HCN1: variants seen among roughly 807,000 people sequenced by gnomAD.
HCN1 encodes the protein hyperpolarization activated cyclic nucleotide gated potassium channel 1.
HCN1 carries 13 observed loss-of-function variants against 78.9 expected under a neutral mutation model. The observed-to-expected ratio is 0.16, with a 90% CI of 0.11 to 0.26. The LOEUF (loss-of-function observed/expected upper bound fraction) is 0.26, where lower values mean the gene tolerates loss of function less well. Ranked by LOEUF, HCN1 falls within the 10% of genes least tolerant of loss-of-function variation. The pLI is 1.00. For missense variants in HCN1, 810 were observed against 1,154.3 expected, an observed-to-expected ratio of 0.70 and a Z score of 4.32; for synonymous variants, 552 against 455.5, an observed-to-expected ratio of 1.21 and a Z score of -2.70.
intron 2 of HCN1, among the ~76,000 whole-genome samples, chr5:45,504,512 G>T (rs1742255616): frequency 6.6e-6 from 1 of 152,108 alleles, no homozygotes; most frequent in Non-Finnish European, 1.5e-5. Flanking sequence ...ATGGACATTT[G>T]GGTTGGTGCC....
At chr5:45,570,241 C>T (rs908025289) in intron 2 of HCN1, among the ~76,000 whole-genome samples, 8 of 152,100 alleles carry the variant, frequency 5.3e-5, no homozygotes, top group Non-Finnish European at 1.2e-4. Flanking sequence ...TCCCCTACTT[C>T]TAAGGTATTT....
intron 2 of HCN1, among the ~76,000 whole-genome samples, chr5:45,499,342 C>T (rs962663554): frequency 2.8e-4 from 43 of 152,144 alleles, no homozygotes; most frequent in African/African-American, 9.4e-4. Flanking sequence ...GTGGGAGTGA[C>T]CCGATTTTCC....
Position 45,539,919 on chromosome 5 carries a change from GATATATATATATATATAT to G in HCN1, c.850-77930_850-77913del, listed in dbSNP as rs66934051. The stretch of plus-strand genomic sequence containing the variant: ...GAAATCCCATTGTTTTAAATTGTGA[GATATATATATATATATAT>G]ATATATATATATATATATATATAAA... On this transcript the variant is annotated intron_variant, in intron 2 of 7. Coordinates refer to ENST00000303230, the MANE Select transcript of HCN1 (RefSeq NM_021072.4). Among the ~76,000 whole-genome samples, 1,160 of 126,092 alleles carry G rather than the reference GATATATATATATATATAT, an allele frequency of 9.2e-3. 27 individuals are homozygous for G. The highest frequency in any genetic ancestry group is 0.034 in the African/African-American group (1,032 of 29,964). 82.7% of individuals were successfully genotyped at this position (126,092 alleles called of 152,430 possible).
chr5:45,567,479 T>C (rs1420212617), intron 2 of HCN1, among the ~76,000 whole-genome samples: 7 of 151,864 alleles, frequency 4.6e-5, no homozygotes, highest in African/African-American at 2.4e-5. Flanking sequence ...GAGCTAAATG[T>C]TGACATGCAG....
chr5:45,573,440 T>C (rs1743873211), intron 2 of HCN1, among the ~76,000 whole-genome samples: 1 of 151,556 alleles, frequency 6.6e-6, no homozygotes, highest in South Asian at 2.1e-4. Context: ...CATTTATTTA[T>C]TTTCCTGAGG....
At position 45,341,054 on chromosome 5, in the gene HCN1, A is replaced by G. The variant is rs550132514; in HGVS notation, c.1377+12046T>C. On this transcript the variant is annotated intron_variant, in intron 5 of 7. Transcript: ENST00000303230. Reference sequence around the variant, plus strand: ...CTTCTTGGAATATATCCTTCATTCTATCTTATCTTTCTGTCTTTTTATTTG... The same window carrying G: ...CTTCTTGGAATATATCCTTCATTCTGTCTTATCTTTCTGTCTTTTTATTTG... 3.3e-5 allele frequency among the ~76,000 whole-genome samples: 5 copies of G among 152,304 alleles called. No homozygotes were observed. In the South Asian group the frequency reaches 8.3e-4, roughly 25 times the overall value.
At chr5:45,312,522 G>C (rs1745871747) in intron 5 of HCN1, among the ~76,000 whole-genome samples, 1 of 152,150 alleles carries the variant, frequency 6.6e-6, no homozygotes, top group African/African-American at 2.4e-5. Context: ...AGTGGGTGCA[G>C]GACAGTGGGT....
At chr5:45,398,659 T>C (rs1739733516) in intron 3 of HCN1, among the ~76,000 whole-genome samples, 1 of 152,196 alleles carries the variant, frequency 6.6e-6, no homozygotes, top group Non-Finnish European at 1.5e-5. Flanking sequence ...AAATTGAAAG[T>C]AGTTTCAAGA....
chr5:45,461,747 C>T, intron 3 of HCN1, 99 bp downstream of exon 3: 2 of 1,117,702 alleles, frequency 1.8e-6, no homozygotes, highest in Non-Finnish European at 2.7e-6. Context: ...TGTCTGTAAA[C>T]ATTTATAGAG....
chr5:45,436,456 A>G (rs755795348), intron 3 of HCN1, among the ~76,000 whole-genome samples: 90 of 152,202 alleles, frequency 5.9e-4, no homozygotes, highest in Non-Finnish European at 1.1e-3. Flanking sequence ...ACTGAATTTT[A>G]ATATAGGTCA....
At chr5:45,414,779 G>C (rs1405649689) in intron 3 of HCN1, among the ~76,000 whole-genome samples, 1 of 151,928 alleles carries the variant, frequency 6.6e-6, no homozygotes, top group African/African-American at 2.4e-5. Flanking sequence ...TCCCATTCCT[G>C]CCTAGTGCTT....
intron 3 of HCN1, among the ~76,000 whole-genome samples, chr5:45,403,724 T>C (rs1739868092): frequency 1.3e-5 from 2 of 152,118 alleles, no homozygotes; most frequent in Non-Finnish European, 2.9e-5. Flanking sequence ...GGAGAAAAAA[T>C]AGATTGACTG....
At chr5:45,512,127 C>T (rs912141535) in intron 2 of HCN1, among the ~76,000 whole-genome samples, 1 of 152,036 alleles carries the variant, frequency 6.6e-6, no homozygotes, top group African/African-American at 2.4e-5. Context: ...TTCCTTCTAT[C>T]GTCACTTTCT....
rs1341530184 is a variant in HCN1 at position 45,262,038 on chromosome 5, C to A, written c.2556G>T (p.Pro852=). The A allele has an allele frequency of 1.2e-6, 2 of 1,613,718 alleles. No homozygotes were observed. Among genetic ancestry groups the A allele is most frequent in the Middle Eastern group, 1.6e-4 (1 of 6,062 alleles). Residue 852 remains proline, a synonymous_variant, in exon 8 of 8, where the codon CCG becomes CCT. Coordinates refer to ENST00000303230, the MANE Select transcript of HCN1 (RefSeq NM_021072.4). ...GGGGTGCTGGAGGGACTCCTCGGTT[C>A]GGGGGGATGGCTCCCGACGACATCT... The part of the protein sequence containing the change: ...FRQMSSGAIP[P]NRGVPPAPPP...
intron 3 of HCN1, among the ~76,000 whole-genome samples, chr5:45,402,259 A>G (rs534551145): frequency 6.6e-6 from 1 of 152,140 alleles, no homozygotes; most frequent in Non-Finnish European, 1.5e-5. Context: ...GTGAGCAGAG[A>G]ATGATATGAT....
intron 4 of HCN1, among the ~76,000 whole-genome samples, chr5:45,372,463 T>C (rs1340563512): frequency 3.2e-5 from 4 of 124,370 alleles, no homozygotes; most frequent in Non-Finnish European, 6.3e-5. Flanking sequence ...ATAAAACATT[T>C]ACATATAAAA....
At chr5:45,359,957 A>G (rs956427857) in intron 4 of HCN1, among the ~76,000 whole-genome samples, 3 of 150,544 alleles carry the variant, frequency 2.0e-5, no homozygotes, top group Non-Finnish European at 4.4e-5. Context: ...ATATATATAT[A>G]TATTTTTTTT....
chr5:45,316,534 A>T (rs1319340813), intron 5 of HCN1, among the ~76,000 whole-genome samples: 1 of 152,266 alleles, frequency 6.6e-6, no homozygotes, highest in East Asian at 1.9e-4. Flanking sequence ...CACCACTCCT[A>T]TTCAACATAG....
intron 2 of HCN1, among the ~76,000 whole-genome samples, chr5:45,498,332 C>T (rs1189759899): frequency 6.6e-6 from 1 of 152,152 alleles, no homozygotes; most frequent in Non-Finnish European, 1.5e-5. Context: ...TCATTTCATT[C>T]ATTTCATGTT....
Sources: gnomAD v4.1 joint callset for allele counts (sites outside exome capture counted in the v4.1 genomes callset) on GRCh38, gnomAD v4.1.1 for gene constraint, MANE v1.5 for transcripts, NCBI Gene and HGNC (gene_info 2026-07-23, HGNC 2026-07-21) for gene names.